The following ZFYVE16 variants were observed in gnomAD, a reference collection of about 807,000 sequenced individuals.
The protein encoded by ZFYVE16 is zinc finger FYVE-type containing 16.
In ZFYVE16, 89 loss-of-function variants were observed where a neutral mutation model predicts 138.1. The ratio of observed to expected loss-of-function variants is 0.64; its 90% CI spans 0.54 to 0.77. The LOEUF (loss-of-function observed/expected upper bound fraction) is 0.77. ZFYVE16 is among the 30% of genes least tolerant of loss of function. ZFYVE16 has a pLI of 0.00. For missense variants in ZFYVE16, 1,793 were observed against 1,786.7 expected (o/e 1.00, Z -0.06); for synonymous variants, 596 against 618.3 (o/e 0.96, Z 0.53).
rs369417878 is a variant in ZFYVE16, at chr5:80,438,164, T to C, written c.1479T>C (p.Ser493=). Residue 493 remains serine (S), a synonymous_variant, in exon 4 of 19, where the codon TCT becomes TCC. Transcript: ENST00000505560. ...GLSGTHVPES[S]DCCEGFINTF... is the part of the protein sequence containing the mutation. ...CTGGCACTCATGTCCCAGAGTCTTC[T>C]GATTGTTGTGAAGGTTTTATTAATA... 3.1e-6 allele frequency: 5 copies of C among 1,613,968 alleles called. No individual in the cohort carries two copies. In the African/African-American group the frequency reaches 4.0e-5, roughly 13 times the overall value.
chr5:80,440,894 A>G, intron 5 of ZFYVE16: 1 of 985,200 alleles, frequency 1.0e-6, no homozygotes, highest in Non-Finnish European at 1.2e-6. Context: ...TTCTCTTTTG[A>G]ATGAAGATAA....
chr5:80,459,498 T>C lies in ZFYVE16; in HGVS notation c.4024+4T>C, dbSNP rs758673140. 1 of 1,605,728 alleles carries C rather than the reference T, an allele frequency of 6.2e-7. No individual in the cohort carries two copies. Among genetic ancestry groups the C allele is most frequent in the Admixed American group, 1.7e-5 (1 of 58,828 alleles). The stretch of plus-strand genomic sequence containing the variant: ...GCTAAGTCCAGCATAGTTGAAGGTA[T>C]GAATTTCATTTTTAATGGTGTTTTA... On this transcript the variant is annotated splice_donor_region_variant and intron_variant, in intron 15 of 18. Coordinates refer to ENST00000505560, the MANE Select transcript of ZFYVE16 (RefSeq NM_001284236.3).
At chr5:80,439,890 A>G in intron 4 of ZFYVE16, 46 bp from the exon 5 acceptor site, 1 of 1,535,830 alleles carries the variant, frequency 6.5e-7, no homozygotes, top group Middle Eastern at 1.8e-4. Flanking sequence ...TAGTAGGTGT[A>G]AGTATTCTTG....
chr5:80,425,462 AG>A (rs377170804), intron 1 of ZFYVE16, among the ~76,000 whole-genome samples: 28 of 152,302 alleles, frequency 1.8e-4, no homozygotes, highest in African/African-American at 6.5e-4. Flanking sequence ...TCCCCATGCT[AG>A]GTAGCCAAAC....
chr5:80,430,665 A>T (rs11949559), intron 2 of ZFYVE16, among the ~76,000 whole-genome samples: 74 of 151,906 alleles, frequency 4.9e-4, no homozygotes, highest in Non-Finnish European at 8.4e-4. Flanking sequence ...TTTTTTGAAA[A>T]GATCAACAAA....
intron 15 of ZFYVE16, among the ~76,000 whole-genome samples, chr5:80,469,161 G>A (rs1754045481): frequency 1.3e-5 from 2 of 148,590 alleles, no homozygotes; most frequent in South Asian, 4.3e-4. Context: ...GGAGTGCAGT[G>A]GCATGATCAT....
chr5:80,458,679 G>T (rs947551391), intron 14 of ZFYVE16, among the ~76,000 whole-genome samples: 2 of 152,040 alleles, frequency 1.3e-5, no homozygotes, highest in African/African-American at 4.8e-5. Flanking sequence ...GAATAGTTTT[G>T]TATACATGCC....
rs953164289 is a variant in ZFYVE16 at position 80,481,098 on chromosome 5, C to T, written c.*3721C>T. Among the ~76,000 whole-genome samples, 2 of 152,144 alleles carry T rather than the reference C, an allele frequency of 1.3e-5. No homozygotes were observed. The highest frequency in any genetic ancestry group is 4.8e-5 in the African/African-American group (2 of 41,510). On this transcript the variant is annotated 3_prime_UTR_variant, in exon 19 of 19. Transcript: ENST00000505560. ...TCAGGAAAGATGCAGTAAGACCCAC[C>T]GCCCCACCAGGAGAACCATGGGTAA...
At chr5:80,443,075 AT>A in intron 5 of ZFYVE16, 47 bp from the exon 6 acceptor site, 2 of 1,468,940 alleles carry the variant, frequency 1.4e-6, no homozygotes, top group Non-Finnish European at 1.8e-6. Context: ...TTTGAAGTAA[AT>A]TCCAAAAACA....
Position 80,481,958 on chromosome 5 carries a change from T to A in ZFYVE16, c.*4581T>A, listed in dbSNP as rs1284111534. On this transcript the variant is annotated 3_prime_UTR_variant, in exon 19 of 19. Coordinates refer to ENST00000505560, the MANE Select transcript of ZFYVE16 (RefSeq NM_001284236.3). ...TCTCAGCCTCCTGAGTAGCTGTGAC[T>A]ACAGGTGTGTACCACCACGCCTAGA... Among the ~76,000 whole-genome samples, 1 of 152,202 alleles carries A rather than the reference T, an allele frequency of 6.6e-6. No individual in the cohort carries two copies. Among genetic ancestry groups the A allele is most frequent in the Non-Finnish European group, 1.5e-5 (1 of 68,040 alleles).
At chr5:80,441,579 G>A (rs1410329702) in intron 5 of ZFYVE16, 2 of 984,942 alleles carry the variant, frequency 2.0e-6, no homozygotes, top group African/African-American at 1.7e-5. Flanking sequence ...CGGTTCATGG[G>A]TTGTGAGACA....
intron 15 of ZFYVE16, among the ~76,000 whole-genome samples, chr5:80,463,682 C>T (rs530512591): frequency 3.3e-5 from 5 of 152,308 alleles, no homozygotes; most frequent in African/African-American, 1.2e-4. Context: ...ATTTTCCAAA[C>T]TTTTATGCTC....
rs143592997 is a variant in ZFYVE16 at position 80,457,468 on chromosome 5, A to G, written c.3943+376A>G. Among the ~76,000 whole-genome samples, 861 of 152,324 alleles carry G rather than the reference A, an allele frequency of 5.7e-3. 3 individuals carry two copies. Among genetic ancestry groups the G allele is most frequent in the African/African-American group, 0.02 (818 of 41,578 alleles). On this transcript the variant is annotated intron_variant, in intron 14 of 18. Coordinates refer to ENST00000505560, the MANE Select transcript of ZFYVE16 (RefSeq NM_001284236.3). ...AGGGTGATAAGGATAAGATTGATTTATAAAACGTAACAAACAGCATCTATG... is the reference window on the plus strand; with the variant it reads ...AGGGTGATAAGGATAAGATTGATTTGTAAAACGTAACAAACAGCATCTATG...
At chr5:80,440,309 TA>T in intron 5 of ZFYVE16, 3 of 1,066,414 alleles carry the variant, frequency 2.8e-6, no homozygotes, top group Non-Finnish European at 3.4e-6. Flanking sequence ...TTCATCTGCC[TA>T]TTTGTTTTTG....
chr5:80,463,350 TG>T (rs1418784401), intron 15 of ZFYVE16, among the ~76,000 whole-genome samples: 1 of 152,196 alleles, frequency 6.6e-6, no homozygotes, highest in Non-Finnish European at 1.5e-5. Context: ...CACCAAAGCT[TG>T]GGGCATGCAC....
chr5:80,470,249 C>A (rs1459523963), intron 15 of ZFYVE16, among the ~76,000 whole-genome samples: 1 of 151,172 alleles, frequency 6.6e-6, no homozygotes, highest in East Asian at 1.9e-4. Flanking sequence ...CTACAGGCAC[C>A]TACCACCACA....
chr5:80,434,268 ATTAAG>A lies in ZFYVE16; in HGVS notation c.70+55_70+59del, dbSNP rs779856208. The stretch of plus-strand genomic sequence containing the variant: ...CTAATGGGATTTAAAAATATCTGTA[ATTAAG>A]TTATCTCAGGTATACAGTAATATTA... On this transcript the variant is annotated intron_variant, in intron 3 of 18. Coordinates refer to ENST00000505560, the MANE Select transcript of ZFYVE16 (RefSeq NM_001284236.3). The A allele has an allele frequency of 6.3e-6, 10 of 1,588,844 alleles. No individual in the cohort carries two copies. In the African/African-American group the frequency reaches 1.2e-4, roughly 19 times the overall value.
chr5:80,475,466 G>C (rs1754810057), intron 18 of ZFYVE16, among the ~76,000 whole-genome samples: 1 of 152,124 alleles, frequency 6.6e-6, no homozygotes. Flanking sequence ...CTTTCCTACT[G>C]TTGACATCCA....
chr5:80,422,387 G>A (rs1747344284), intron 1 of ZFYVE16, among the ~76,000 whole-genome samples: 1 of 152,128 alleles, frequency 6.6e-6, no homozygotes, highest in East Asian at 1.9e-4. Context: ...TTCTTTATCA[G>A]ATTGAAGAAG....
Sources: allele counts gnomAD v4.1 joint callset (sites outside exome capture counted in the v4.1 genomes callset), GRCh38; gene constraint gnomAD v4.1.1; transcripts MANE v1.5; gene names NCBI Gene and HGNC (gene_info 2026-07-23, HGNC 2026-07-21).